The following ALOXE3 variants were observed in gnomAD, a reference collection of about 807,000 sequenced individuals.
The protein encoded by ALOXE3 is hydroperoxide isomerase ALOXE3.
ALOXE3 carries 78 observed loss-of-function variants against 87.5 expected under a neutral mutation model. The observed-to-expected ratio is 0.89, with a 90% confidence interval of 0.74 to 1.08. The LOEUF (loss-of-function observed/expected upper bound fraction) is 1.08, where lower values mean the gene tolerates loss of function less well. Among genes scored for constraint, ALOXE3 ranks in the 50% least tolerant of loss-of-function variants. The pLI is 0.00. For missense variants in ALOXE3, 946 were observed against 912.4 expected (o/e 1.04, Z -0.47); for synonymous variants, 363 against 370.8 (o/e 0.98, Z 0.24).
chr17:8,118,892 G>T (rs1398161473), upstream of ALOXE3: 2 of 1,482,572 alleles, frequency 1.3e-6, no homozygotes, highest in African/African-American at 1.4e-5. Flanking sequence ...CCCATAGCCC[G>T]CAGCGGCCCC....
At chr17:8,106,155 T>A (rs1449799718) in intron 13 of ALOXE3, among the ~76,000 whole-genome samples, 1 of 151,888 alleles carries the variant, frequency 6.6e-6, no homozygotes, top group African/African-American at 2.4e-5. Flanking sequence ...CAGAGCACTA[T>A]GAGGAAGACT....
At chr17:8,111,582 C>A (rs764241551) in intron 7 of ALOXE3, 51 bp from the exon 8 acceptor site, 2 of 1,589,882 alleles carry the variant, frequency 1.3e-6, no homozygotes, top group South Asian at 1.1e-5. Context: ...TTCCCTAGAT[C>A]CTAGTCCTGC....
chr17:8,118,847 G>C (rs1372977010), upstream of ALOXE3: 1 of 1,534,608 alleles, frequency 6.5e-7, no homozygotes, highest in East Asian at 2.5e-5. Context: ...CGGGATCTGG[G>C]CCACTAGGGA....
Position 8,112,164 on chromosome 17 carries a change from T to A in ALOXE3, c.713A>T (p.Asp238Val), listed in dbSNP as rs1598212677. The A allele has an allele frequency of 6.2e-7, 1 of 1,614,106 alleles. No homozygotes were observed. The highest frequency in any genetic ancestry group is 2.2e-5 in the East Asian group (1 of 44,886). ...CAGCTTCTTCCAGGAGCCCTTGCGATCCAACAGCCCTCGAAGCTTCATTCC... is the reference window on the plus strand; with the variant it reads ...CAGCTTCTTCCAGGAGCCCTTGCGAACCAACAGCCCTCGAAGCTTCATTCC... ...SLGMKLRGLL[D>V]RKGSWKKLDD... The change falls in exon 7 of 16, where the codon GAT (aspartate) becomes GTT (valine). Residue 238 changes from aspartate to valine, a missense_variant. Coordinates refer to ENST00000448843, the MANE Select transcript of ALOXE3 (RefSeq NM_021628.3).
chr17:8,105,555 T>G (rs1979236037), intron 13 of ALOXE3, among the ~76,000 whole-genome samples: 1 of 152,192 alleles, frequency 6.6e-6, no homozygotes, highest in Admixed American at 6.5e-5. Flanking sequence ...TTTTGTCTTT[T>G]TCACTACTAA....
intron 6 of ALOXE3, among the ~76,000 whole-genome samples, chr17:8,113,087 T>A (rs1980242370): frequency 1.3e-5 from 2 of 152,096 alleles, no homozygotes; most frequent in Admixed American, 6.6e-5. Context: ...ATCTACTCCA[T>A]CTCTATGATA....
intron 3 of ALOXE3, among the ~76,000 whole-genome samples, chr17:8,116,435 C>T (rs1449595666): frequency 2.0e-5 from 3 of 152,152 alleles, no homozygotes; most frequent in African/African-American, 7.2e-5. Flanking sequence ...TCTAATGACT[C>T]AGGGTGCAGG....
rs1568004250 is a variant in ALOXE3 at position 8,115,061 on chromosome 17, C to T, written c.435-4G>A. 1 of 1,614,044 alleles carries T rather than the reference C, an allele frequency of 6.2e-7. No individual in the cohort carries two copies. On this transcript the variant is annotated splice_polypyrimidine_tract_variant and splice_region_variant and intron_variant, in intron 4 of 15. Transcript: ENST00000448843. ...GCCAGGGGCATAGATCTTCCAGCTT[C>T]CGAGGGAAAGAGGTCAGAGGTGGCA...
chr17:8,113,896 C>T (rs536778530), intron 6 of ALOXE3, among the ~76,000 whole-genome samples: 4 of 151,024 alleles, frequency 2.6e-5, no homozygotes, highest in Admixed American at 6.6e-5. Context: ...ATGGTGGCAC[C>T]TGCCTGTAGT....
chr17:8,111,614 T>C, intron 7 of ALOXE3, 83 bp from the exon 8 acceptor site: 1 of 1,490,746 alleles, frequency 6.7e-7, no homozygotes, highest in Non-Finnish European at 9.3e-7. Flanking sequence ...CTTATCATTG[T>C]GGTTTAGGTT....
In ALOXE3 at chr17:8,118,070, C is replaced by A; in HGVS notation, c.-80G>T. On this transcript the variant is annotated 5_prime_UTR_variant, in exon 2 of 16. Transcript: ENST00000448843. ...TGGAGGAGAAGAGCGGCACGCCGGA[C>A]AGGGCTGGGTTTCTGGGCGGAGGGC... is the stretch of plus-strand genomic sequence containing the variant. 6.4e-7 allele frequency: 1 copy of A among 1,574,490 alleles called. No individual in the cohort carries two copies. The highest frequency in any genetic ancestry group is 8.6e-7 in the Non-Finnish European group (1 of 1,161,738).
In ALOXE3 at chr17:8,103,443, G is replaced by A. The variant is rs768681601; in HGVS notation, c.1836C>T (p.Pro612=). Residue 612 remains proline, a synonymous_variant, in exon 15 of 16, where the codon CCC becomes CCT. Transcript: ENST00000448843. ...TGGTGGTCCCCTTGGTCTGGGGTGG[G>A]GGCTGCCTCATGGATGATGGAGCAT... is the stretch of plus-strand genomic sequence containing the variant. ...MPNAPSSMRQ[P]PPQTKGTTTL... 6.2e-7 allele frequency: 1 copy of A among 1,614,134 alleles called. No individual in the cohort carries two copies. Among genetic ancestry groups the A allele is most frequent in the Non-Finnish European group, 8.5e-7 (1 of 1,180,022 alleles).
Position 8,109,245 on chromosome 17 carries a change from G to C in ALOXE3, c.1491C>G (p.Ala497=). 1 of 1,614,126 alleles carries C rather than the reference G, an allele frequency of 6.2e-7. No individual in the cohort carries two copies. Among genetic ancestry groups the C allele is most frequent in the Non-Finnish European group, 8.5e-7 (1 of 1,180,042 alleles). The change falls in exon 12 of 16, where the codon GCC becomes GCG. Residue 497 remains alanine, a synonymous_variant. Transcript: ENST00000448843. ...AGTTGGGGATAGCCAGGACGCCGCG[G>C]GCCCGCAGGCTGTCCGGAAGGCAGA... The part of the protein sequence containing the change: ...TNFCLPDSLR[A]RGVLAIPNYH...
rs1257940892 is a variant in ALOXE3, at chr17:8,115,694, G to A, written c.353-6C>T. 5.6e-6 allele frequency: 9 copies of A among 1,611,294 alleles called. No homozygotes were observed. The highest frequency in any genetic ancestry group is 7.6e-6 in the Non-Finnish European group (9 of 1,177,520). ...GTCCTGACAAATAGTTCTTGCTGTG[G>A]GGAATGAAAATTACTCTTGGTATAA... On this transcript the variant is annotated splice_region_variant and splice_polypyrimidine_tract_variant and intron_variant, in intron 3 of 15. Transcript: ENST00000448843.
In ALOXE3 at chr17:8,115,793, A is replaced by T; in HGVS notation, c.353-105T>A. 4.4e-6 allele frequency: 5 copies of T among 1,140,502 alleles called. No individual in the cohort carries two copies. In the South Asian group the frequency reaches 6.2e-5, roughly 14 times the overall value. The allele number at this position is 1,140,502 out of a possible 1,614,324, so 70.6% of individuals were successfully genotyped here. On this transcript the variant is annotated intron_variant, in intron 3 of 15. Transcript: ENST00000448843. ...CCCTTGAACCCAATCCGACAGCCAC[A>T]TCCCTGTGAAACACGTGGCGGTGCC...
chr17:8,104,222 G>A lies in ALOXE3; in HGVS notation c.1685-7C>T, dbSNP rs929029127. 2.5e-6 allele frequency: 4 copies of A among 1,611,124 alleles called. No individual in the cohort carries two copies. Among genetic ancestry groups the A allele is most frequent in the South Asian group, 1.1e-5 (1 of 91,016 alleles). Reference sequence around the variant, plus strand: ...CACAGCCGGCTTGGGAAACCTGGGTGTGGGGAGGAAGGGTAGAGGGTGTGG... The same window carrying A: ...CACAGCCGGCTTGGGAAACCTGGGTATGGGGAGGAAGGGTAGAGGGTGTGG... On this transcript the variant is annotated splice_region_variant and splice_polypyrimidine_tract_variant and intron_variant, in intron 13 of 15. Coordinates refer to ENST00000448843, the MANE Select transcript of ALOXE3 (RefSeq NM_021628.3).
At position 8,110,155 on chromosome 17, in the gene ALOXE3, C is replaced by A. The variant is rs1979918066; in HGVS notation, c.1242G>T (p.Leu414Phe). The change falls in exon 10 of 16, where the codon TTG becomes TTT. Residue 414 changes from leucine (L) to phenylalanine (F), a missense_variant. Leu to Phe is a conservative substitution (Grantham distance 22). Coordinates refer to ENST00000448843, the MANE Select transcript of ALOXE3 (RefSeq NM_021628.3). ...ENNTHFLCTH[L>F]LCEAFAMATL... ...TGGCCATGGCGAAGGCCTCGCACAG[C>A]AAATGCGTGCACAGAAAGTGCGTGT... is the stretch of plus-strand genomic sequence containing the variant. 1 of 1,614,034 alleles carries A rather than the reference C, an allele frequency of 6.2e-7. No homozygotes were observed. Among genetic ancestry groups the A allele is most frequent in the East Asian group, 2.2e-5 (1 of 44,878 alleles).
intron 8 of ALOXE3, 128 bp downstream of exon 8, chr17:8,111,231 C>T (rs753522273): frequency 2.6e-5 from 31 of 1,191,612 alleles, no homozygotes; most frequent in East Asian, 7.3e-5. Context: ...CATGGCTGCC[C>T]AGAGGATGAG....
At chr17:8,107,845 GA>G (rs1979482915) in intron 13 of ALOXE3, among the ~76,000 whole-genome samples, 1 of 2,256 alleles carries the variant, frequency 4.4e-4, no homozygotes, top group East Asian at 6.0e-3. Flanking sequence ...AAGAAAGAAA[GA>G]AAGAAAGAAA....
Sources: allele counts gnomAD v4.1 joint callset (sites outside exome capture counted in the v4.1 genomes callset), GRCh38; gene constraint gnomAD v4.1.1; transcripts MANE v1.5; gene names NCBI Gene and HGNC (gene_info 2026-07-23, HGNC 2026-07-21).